RGPD4: variants seen among roughly 807,000 people sequenced by gnomAD.
The protein encoded by RGPD4 is RANBP2 like and GRIP domain containing 4.
RGPD4 carries 84 observed loss-of-function variants against 141.1 expected under a neutral mutation model. That is an observed-to-expected ratio of 0.60 (90% CI 0.50 to 0.71). RGPD4 has a LOEUF of 0.71. Ranked by LOEUF, RGPD4 falls within the 30% of genes least tolerant of loss-of-function variation. The pLI, the probability that RGPD4 is intolerant of heterozygous loss-of-function variation, is 0.00. For synonymous variants in RGPD4, 298 were observed against 566.8 expected (o/e 0.53, Z 6.74); for missense variants, 918 against 1,622.4 (o/e 0.57, Z 7.46).
At chr2:107,850,930 C>T (rs1296989563) in intron 7 of RGPD4, among the ~76,000 whole-genome samples, 1 of 21,740 alleles carries the variant, frequency 4.6e-5, no homozygotes, top group East Asian at 4.7e-4. Context: ...TGAGCCACCG[C>T]GCCCTGCCAA....
chr2:107,885,366 AATG>A (rs1441088243), intron 22 of RGPD4, among the ~76,000 whole-genome samples: 2 of 152,192 alleles, frequency 1.3e-5, no homozygotes, highest in African/African-American at 4.8e-5. Context: ...TCAATACAAC[AATG>A]ATATTATCTC....
chr2:107,882,917 A>G (rs2104518002), intron 22 of RGPD4, 44 bp downstream of exon 22: 1 of 1,148,336 alleles, frequency 8.7e-7, no homozygotes, highest in East Asian at 2.4e-5. Context: ...TCTAACTTAA[A>G]CTAAACAGCC....
intron 20 of RGPD4, among the ~76,000 whole-genome samples, chr2:107,873,449 T>C: frequency 6.9e-6 from 1 of 144,626 alleles, no homozygotes; most frequent in African/African-American, 2.7e-5. Context: ...GGTGCGTGCC[T>C]ATAATTAGCA....
intron 22 of RGPD4, among the ~76,000 whole-genome samples, chr2:107,883,503 G>A (rs1319714314): frequency 1.2e-4 from 18 of 150,398 alleles, no homozygotes; most frequent in Admixed American, 2.7e-4. Context: ...GGTGGCATGC[G>A]CCTGTAGTCC....
chr2:107,882,716 A>G lies in RGPD4; in HGVS notation c.5109A>G (p.Gln1703=). The change falls in exon 22 of 23, where the codon CAA becomes CAG. Residue 1703 remains glutamine (Q), a synonymous_variant. Coordinates refer to ENST00000408999, the MANE Select transcript of RGPD4 (RefSeq NM_182588.3). ...EIRRLERNQE[Q]EESAANVEHL... ...GAAGATTGGAAAGGAATCAAGAGCA[A>G]GAGGAGTCTGCAGCTAACGTGGAAC... 1 of 1,611,682 alleles carries G rather than the reference A, an allele frequency of 6.2e-7. No individual in the cohort carries two copies. Among genetic ancestry groups the G allele is most frequent in the Non-Finnish European group, 8.5e-7 (1 of 1,179,862 alleles).
At chr2:107,885,627 A>T (rs1290990759) in intron 22 of RGPD4, among the ~76,000 whole-genome samples, 3 of 152,196 alleles carry the variant, frequency 2.0e-5, no homozygotes, top group East Asian at 3.9e-4. Context: ...AACACATTTA[A>T]ATTAGTTTGC....
At chr2:107,831,678 C>A (rs1458229039) in intron 1 of RGPD4, among the ~76,000 whole-genome samples, 1 of 138,698 alleles carries the variant, frequency 7.2e-6, no homozygotes, top group Non-Finnish European at 1.6e-5. Flanking sequence ...CGGGTTCACA[C>A]CATTCTCCTG....
At chr2:107,885,339 A>G (rs2104520751) in intron 22 of RGPD4, among the ~76,000 whole-genome samples, 1 of 152,316 alleles carries the variant, frequency 6.6e-6, no homozygotes, top group East Asian at 1.9e-4. Flanking sequence ...TTTTAAAATT[A>G]AAGTTTTCAA....
chr2:107,835,391 G>A (rs1681636124), intron 1 of RGPD4, among the ~76,000 whole-genome samples: 1 of 73,982 alleles, frequency 1.4e-5, no homozygotes, highest in South Asian at 7.0e-4. Flanking sequence ...CAGCATTTTG[G>A]ACTTTGGAGT....
intron 6 of RGPD4, among the ~76,000 whole-genome samples, chr2:107,845,871 G>A (rs564674345): frequency 6.7e-6 from 1 of 148,474 alleles, no homozygotes; most frequent in African/African-American, 2.5e-5. Context: ...GCCCACACCT[G>A]GCTAATTTTT....
Position 107,878,048 on chromosome 2 carries a change from G to A in RGPD4, c.4925-1920G>A, listed in dbSNP as rs950610754. ...GGCTGGTCTTGAACTTGCTGACCTC[G>A]TGATCCACCCACCTTAGCCTCCCAA... On this transcript the variant is annotated intron_variant, in intron 20 of 22. Transcript: ENST00000408999. Among the ~76,000 whole-genome samples the A allele has an allele frequency of 2.2e-4, 33 of 150,932 alleles. 1 individual carries two copies. The highest frequency in any genetic ancestry group is 1.0e-3 in the South Asian group (5 of 4,776).
At chr2:107,867,306 A>G (rs1011552823) in intron 18 of RGPD4, among the ~76,000 whole-genome samples, 8 of 152,162 alleles carry the variant, frequency 5.3e-5, no homozygotes, top group African/African-American at 1.7e-4. Flanking sequence ...GGAAAGATTT[A>G]GAATAAAATC....
chr2:107,882,215 T>G (rs1675386701), intron 21 of RGPD4, among the ~76,000 whole-genome samples: 1 of 151,570 alleles, frequency 6.6e-6, no homozygotes, highest in Non-Finnish European at 1.5e-5. Flanking sequence ...CAGTGATACT[T>G]GGTAAGCTGC....
chr2:107,882,714 C>G lies in RGPD4; in HGVS notation c.5107C>G (p.Gln1703Glu), dbSNP rs778741921. The G allele has an allele frequency of 6.2e-7, 1 of 1,611,614 alleles. No individual in the cohort carries two copies. Among genetic ancestry groups the G allele is most frequent in the African/African-American group, 1.3e-5 (1 of 74,612 alleles). ...AAGAAGATTGGAAAGGAATCAAGAG[C>G]AAGAGGAGTCTGCAGCTAACGTGGA... is the stretch of plus-strand genomic sequence containing the variant. ...EIRRLERNQE[Q>E]EESAANVEHL... The change falls in exon 22 of 23, where the codon CAA becomes GAA. Residue 1703 changes from glutamine (Q) to glutamate (E), a missense_variant. Coordinates refer to ENST00000408999, the MANE Select transcript of RGPD4 (RefSeq NM_182588.3).
chr2:107,859,619 C>A, intron 11 of RGPD4, 65 bp downstream of exon 11: 1 of 1,611,408 alleles, frequency 6.2e-7, no homozygotes. Flanking sequence ...ATTTAATCCT[C>A]ATGTGAAGAT....
chr2:107,857,162 AG>A (rs1366195098), intron 9 of RGPD4, among the ~76,000 whole-genome samples, 193 bp downstream of exon 9: 1 of 145,012 alleles, frequency 6.9e-6, no homozygotes, highest in Non-Finnish European at 1.5e-5. Flanking sequence ...TTTGAGACCA[AG>A]TTTTGCTCTT....
At chr2:107,830,283 T>A (rs1681433239) in intron 1 of RGPD4, among the ~76,000 whole-genome samples, 1 of 151,052 alleles carries the variant, frequency 6.6e-6, no homozygotes, top group African/African-American at 2.4e-5. Context: ...ATGTAAATAA[T>A]GCTGAGATTA....
At position 107,863,034 on chromosome 2, in the gene RGPD4, T is replaced by G. The variant is rs1345735812; in HGVS notation, c.2469+2T>G. 1 of 1,504,338 alleles carries G rather than the reference T, an allele frequency of 6.6e-7. No individual in the cohort carries two copies. Among genetic ancestry groups the G allele is most frequent in the South Asian group, 1.2e-5 (1 of 83,320 alleles). 93.2% of individuals were successfully genotyped at this position (1,504,338 alleles called of 1,614,324 possible). On this transcript the variant is annotated splice_donor_variant, in intron 17 of 22. Coordinates refer to ENST00000408999, the MANE Select transcript of RGPD4 (RefSeq NM_182588.3). LOFTEE classifies it high-confidence loss of function. ...CGCCAAGAAGTAAAGGCCATTAAGGTAAGTCACTTAATTTCTCTAGCTGTA... is the reference window on the plus strand; with the variant it reads ...CGCCAAGAAGTAAAGGCCATTAAGGGAAGTCACTTAATTTCTCTAGCTGTA...
chr2:107,851,261 C>T (rs1452964560), intron 7 of RGPD4, among the ~76,000 whole-genome samples: 2 of 88,558 alleles, frequency 2.3e-5, no homozygotes, highest in Non-Finnish European at 4.8e-5. Context: ...CAGGTGCCTG[C>T]CACCATGCCT....
Sources: allele counts gnomAD v4.1 joint callset (sites outside exome capture counted in the v4.1 genomes callset), GRCh38; gene constraint gnomAD v4.1.1; transcripts MANE v1.5; gene names NCBI Gene and HGNC (gene_info 2026-07-23, HGNC 2026-07-21).